IPO7: variants seen among roughly 807,000 people sequenced by gnomAD.
The protein encoded by IPO7 is importin 7, also known as importin-7.
A neutral mutation model predicts 136.4 loss-of-function variants in IPO7; 13 were observed. That is an observed-to-expected ratio of 0.10 (90% CI 0.06 to 0.15). The LOEUF (loss-of-function observed/expected upper bound fraction) is 0.15, where lower values mean the gene tolerates loss of function less well. Ranked by LOEUF, IPO7 falls within the 10% of genes least tolerant of loss-of-function variation. The pLI is 1.00. For synonymous variants in IPO7, 403 were observed against 404.4 expected (o/e 1.00, Z 0.04); for missense variants, 857 against 1,240.6 (o/e 0.69, Z 4.65).
rs1855540703 is a variant in IPO7 at position 9,447,137 on chromosome 11, C to T, written c.*1943C>T. On this transcript the variant is annotated 3_prime_UTR_variant, in exon 25 of 25. Coordinates refer to ENST00000379719, the MANE Select transcript of IPO7 (RefSeq NM_006391.3). ...TACCTTTAATCCCCTAATACCTAGT[C>T]TACTTTTTAAATTTTCAGACTTCAC... is the stretch of plus-strand genomic sequence containing the variant. The T allele has an allele frequency of 6.6e-6, 1 of 152,154 alleles. No homozygotes were observed. Among genetic ancestry groups the T allele is most frequent in the Non-Finnish European group, 1.5e-5 (1 of 68,028 alleles). 9.4% of individuals were successfully genotyped at this position (152,154 alleles called of 1,614,324 possible).
rs1855546616 is a variant in IPO7 at position 9,447,633 on chromosome 11, T to C, written c.*2439T>C. The C allele has an allele frequency of 6.6e-6, 1 of 152,238 alleles. No individual in the cohort carries two copies. Among genetic ancestry groups the C allele is most frequent in the Non-Finnish European group, 1.5e-5 (1 of 68,040 alleles). The allele number at this position is 152,238 out of a possible 1,614,324, so 9.4% of individuals were successfully genotyped here. A position where few individuals can be genotyped will look rare whatever the true frequency, so the allele number is the denominator to read the frequency against. On this transcript the variant is annotated 3_prime_UTR_variant, in exon 25 of 25. Transcript: ENST00000379719. ...TTACATACAGCTTTTCCTACAGTTT[T>C]ATTACCCTGTAATTTTTTTTTAGTT...
At chr11:9,420,838 G>C in intron 8 of IPO7, 140 bp downstream of exon 8, 1 of 612,158 alleles carries the variant, frequency 1.6e-6, no homozygotes, top group South Asian at 2.1e-5. Context: ...TTGGTCTCAG[G>C]ATCTCTTTAT....
In IPO7 at chr11:9,411,266, G is replaced by A. The variant is rs553746922; in HGVS notation, c.479+1180G>A. 7.9e-5 allele frequency among the ~76,000 whole-genome samples: 12 copies of A among 152,278 alleles called. No individual in the cohort carries two copies. In the South Asian group the frequency reaches 2.1e-3, roughly 26 times the overall value. On this transcript the variant is annotated intron_variant, in intron 4 of 24. Coordinates refer to ENST00000379719, the MANE Select transcript of IPO7 (RefSeq NM_006391.3). ...CAGTTCATTTTCAGCCAGTGTTTTC[G>A]TTGTGAAGCACAAGGTGTTCACAAG...
chr11:9,401,928 C>T (rs962516467), intron 1 of IPO7, among the ~76,000 whole-genome samples: 1 of 152,200 alleles, frequency 6.6e-6, no homozygotes, highest in African/African-American at 2.4e-5. Context: ...CTATTCATTG[C>T]AATCCGCCTG....
chr11:9,404,563 A>AT lies in IPO7; in HGVS notation c.166+1212dup, dbSNP rs545909983. ...TTCTTTACATAGTTCCGGTCTTCGGATTTTTTTTTTTTTTTTTTTTGAGAC... is the reference window on the plus strand; with the variant it reads ...TTCTTTACATAGTTCCGGTCTTCGGATTTTTTTTTTTTTTTTTTTTTGAGAC... On this transcript the variant is annotated intron_variant, in intron 2 of 24. Transcript: ENST00000379719. 9.4e-3 allele frequency among the ~76,000 whole-genome samples: 1,081 copies of AT among 114,616 alleles called. 30 individuals carry two copies. The highest frequency in any genetic ancestry group is 0.021 in the African/African-American group (624 of 30,258). The allele number at this position is 114,616 out of a possible 152,430, so 75.2% of individuals were successfully genotyped here.
intron 24 of IPO7, among the ~76,000 whole-genome samples, chr11:9,444,640 C>T (rs556580871): frequency 6.6e-6 from 1 of 151,898 alleles, no homozygotes; most frequent in African/African-American, 2.4e-5. Flanking sequence ...TCTAGACCAA[C>T]CTGGCCAACA....
At chr11:9,410,315 CT>C (rs1232616007) in intron 4 of IPO7, among the ~76,000 whole-genome samples, 5 of 152,134 alleles carry the variant, frequency 3.3e-5, no homozygotes, top group Non-Finnish European at 7.3e-5. Context: ...ATCACCGTCT[CT>C]TTACCTATTC....
At chr11:9,443,761 A>G (rs1855490630) in intron 24 of IPO7, among the ~76,000 whole-genome samples, 1 of 150,804 alleles carries the variant, frequency 6.6e-6, no homozygotes, top group South Asian at 2.1e-4. Flanking sequence ...TTAGCCAGGC[A>G]TGGTGGTGCA....
At chr11:9,417,280 G>A (rs2133744593) in intron 6 of IPO7, 132 bp downstream of exon 6, 1 of 479,244 alleles carries the variant, frequency 2.1e-6, no homozygotes. Flanking sequence ...TTCTAGATTA[G>A]AGGTACCTTT....
intron 1 of IPO7, among the ~76,000 whole-genome samples, chr11:9,402,277 G>T (rs543023959): frequency 6.6e-6 from 1 of 150,886 alleles, no homozygotes; most frequent in African/African-American, 2.4e-5. Context: ...GCACGTGCCT[G>T]TAGTCTCAGC....
At chr11:9,435,691 C>G (rs1855359606) in intron 19 of IPO7, among the ~76,000 whole-genome samples, 1 of 152,122 alleles carries the variant, frequency 6.6e-6, no homozygotes, top group African/African-American at 2.4e-5. Context: ...ATCTACATTT[C>G]TATTCCTGAA....
intron 22 of IPO7, among the ~76,000 whole-genome samples, chr11:9,440,149 TAGCC>T (rs1278467766): frequency 2.0e-5 from 3 of 152,260 alleles, no homozygotes; most frequent in African/African-American, 7.2e-5. Flanking sequence ...TTTACTAACT[TAGCC>T]AGCCTTTTAA....
chr11:9,434,375 CA>C (rs10707333), intron 18 of IPO7, among the ~76,000 whole-genome samples: 53,789 of 152,048 alleles, frequency 0.35, 10,136 homozygotes, highest in Non-Finnish European at 0.43. Flanking sequence ...TACATACCCA[CA>C]CACCCCCTTG....
In IPO7 at chr11:9,398,981, A is replaced by G. The variant is rs985840001; in HGVS notation, c.85-4309A>G. ...AAAATGGCAGGGACAAGATGTCTTC[A>G]TGTAGGACCTTGGAAGGTGCAGTAG... On this transcript the variant is annotated intron_variant, in intron 1 of 24. Transcript: ENST00000379719. Among the ~76,000 whole-genome samples, 7 of 152,200 alleles carry G rather than the reference A, an allele frequency of 4.6e-5. No homozygotes were observed. In the East Asian group the frequency reaches 5.8e-4, roughly 13 times the overall value.
chr11:9,415,093 G>T (rs375195198), intron 5 of IPO7, among the ~76,000 whole-genome samples: 2 of 151,800 alleles, frequency 1.3e-5, no homozygotes, highest in South Asian at 4.2e-4. Context: ...TGTGGTGGGC[G>T]CATCACCTGA....
chr11:9,400,482 C>T (rs985503048), intron 1 of IPO7, among the ~76,000 whole-genome samples: 3 of 151,906 alleles, frequency 2.0e-5, no homozygotes, highest in Admixed American at 6.6e-5. Context: ...AGTGCGGTGG[C>T]GCGATCTCGG....
intron 10 of IPO7, among the ~76,000 whole-genome samples, 194 bp from the exon 11 acceptor site, chr11:9,424,720 T>G (rs1855179870): frequency 6.6e-6 from 1 of 152,174 alleles, no homozygotes; most frequent in Non-Finnish European, 1.5e-5. Context: ...CCAGCCTGAG[T>G]GACAGAGCGA....
Position 9,397,341 on chromosome 11 carries a change from A to AAAAATATATATATAT in IPO7, c.85-5948_85-5947insAAATATATATATATA. On this transcript the variant is annotated intron_variant, in intron 1 of 24. Coordinates refer to ENST00000379719, the MANE Select transcript of IPO7 (RefSeq NM_006391.3). ...CTTTACTAAAAATAATTTAAAAAAAAATATATATATATATATATATATATT... is the reference window on the plus strand; with the variant it reads ...CTTTACTAAAAATAATTTAAAAAAAAAAAATATATATATATATATATATATATATATATATATATT... Among the ~76,000 whole-genome samples, 22 of 10,766 alleles carry AAAAATATATATATAT rather than the reference A, an allele frequency of 2.0e-3. 2 individuals are homozygous for AAAAATATATATATAT. Among genetic ancestry groups the AAAAATATATATATAT allele is most frequent in the Admixed American group, 6.3e-3 (3 of 480 alleles). The allele number at this position is 10,766 out of a possible 152,430, so 7.1% of individuals were successfully genotyped here. A position where few individuals can be genotyped will look rare whatever the true frequency, so the allele number is the denominator to read the frequency against.
intron 1 of IPO7, among the ~76,000 whole-genome samples, chr11:9,386,312 T>C (rs1255679340): frequency 6.6e-6 from 1 of 152,212 alleles, no homozygotes; most frequent in Non-Finnish European, 1.5e-5. Context: ...AGCTTAGATT[T>C]TTTTGGATAT....
Sources: gnomAD v4.1 joint callset for allele counts (sites outside exome capture counted in the v4.1 genomes callset) on GRCh38, gnomAD v4.1.1 for gene constraint, MANE v1.5 for transcripts, NCBI Gene and HGNC (gene_info 2026-07-23, HGNC 2026-07-21) for gene names.